Variants in DEF8 observed in about 807,000 individuals in gnomAD.
DEF8 encodes differentially expressed in FDCP 8 homolog, also known as DEF-8.
Under a neutral mutation model 59.1 loss-of-function variants are expected in DEF8, and 38 were observed. The ratio of observed to expected loss-of-function variants is 0.64; its 90% CI spans 0.50 to 0.84. The LOEUF (loss-of-function observed/expected upper bound fraction) is 0.84, where lower values mean the gene tolerates loss of function less well. DEF8 is among the 40% of genes least tolerant of loss of function. DEF8 has a pLI of 0.00. For synonymous variants in DEF8, 265 were observed against 250.1 expected, an observed-to-expected ratio of 1.06 and a Z score of -0.56; for missense variants, 557 against 615.2, an observed-to-expected ratio of 0.91 and a Z score of 1.00.
chr16:89,959,270 C>G, intron 6 of DEF8, 115 bp downstream of exon 6: 1 of 1,547,420 alleles, frequency 6.5e-7, no homozygotes. Context: ...CCAAACATGG[C>G]CAGTCAAAGT....
Position 89,954,132 on chromosome 16 carries a change from A to G in DEF8, c.-10-111A>G, listed in dbSNP as rs976219682. 1 of 1,217,244 alleles carries G rather than the reference A, an allele frequency of 8.2e-7. No homozygotes were observed. Among genetic ancestry groups the G allele is most frequent in the African/African-American group, 1.5e-5 (1 of 66,032 alleles). 75.4% of individuals were successfully genotyped at this position (1,217,244 alleles called of 1,614,324 possible). A position where few individuals can be genotyped will look rare whatever the true frequency, so the allele number is the denominator to read the frequency against. On this transcript the variant is annotated intron_variant, in intron 2 of 12. Coordinates refer to ENST00000563594, the MANE Select transcript of DEF8 (RefSeq NM_001242818.2). This position sits in a 1 kb window ranked among gnomAD's most constrained non-coding sequence, Gnocchi z 4.3. ...GGTGTGAGGACTACCCACTTTAGGG[A>G]AGTGAAAGAGGCCAGCCTCACCCCA...
chr16:89,949,311 C>A, intron 1 of DEF8, 106 bp from the exon 2 acceptor site: 1 of 895,392 alleles, frequency 1.1e-6, no homozygotes, highest in Non-Finnish European at 1.6e-6. Context: ...CTCGGTGGAA[C>A]GGGTGGGTGG....
intron 4 of DEF8, 81 bp from the exon 5 acceptor site, chr16:89,957,430 G>A: frequency 5.5e-6 from 8 of 1,452,474 alleles, no homozygotes; most frequent in Non-Finnish European, 7.4e-6. Flanking sequence ...GGTCTGCTCT[G>A]GGCCTGTCTC....
rs542793648 is a variant in DEF8, at chr16:89,966,672, C to T, written c.*709C>T. On this transcript the variant is annotated 3_prime_UTR_variant, in exon 13 of 13. Transcript: ENST00000563594. ...ATGGAGCTTTTCCCTGCTGGGTGCTCCTGCTTTGGCCCAGCCCACCTTTCC... is the reference window on the plus strand; with the variant it reads ...ATGGAGCTTTTCCCTGCTGGGTGCTTCTGCTTTGGCCCAGCCCACCTTTCC... 1 of 152,812 alleles carries T rather than the reference C, an allele frequency of 6.5e-6. No individual in the cohort carries two copies. Among genetic ancestry groups the T allele is most frequent in the African/African-American group, 2.4e-5 (1 of 41,568 alleles). 9.5% of individuals were successfully genotyped at this position (152,812 alleles called of 1,614,324 possible). A position where few individuals can be genotyped will look rare whatever the true frequency, so the allele number is the denominator to read the frequency against.
rs1204296570 is a variant in DEF8, at chr16:89,954,385, T to C, written c.124+9T>C. ...GGACGTCACTCCTGAAGGTGGGTGC[T>C]GGTGGGAGTCAGGGTGGGAGCTGGG... On this transcript the variant is annotated intron_variant, in intron 3 of 12. Transcript: ENST00000563594. The surrounding 1 kb of genome is among the most constrained non-coding windows in gnomAD (Gnocchi z 4.3). 2 of 1,612,732 alleles carry C rather than the reference T, an allele frequency of 1.2e-6. No individual in the cohort carries two copies. Among genetic ancestry groups the C allele is most frequent in the Non-Finnish European group, 1.7e-6 (2 of 1,179,336 alleles).
intron 2 of DEF8, 147 bp downstream of exon 2, chr16:89,949,660 T>G: frequency 6.3e-7 from 1 of 1,593,546 alleles, no homozygotes; most frequent in Non-Finnish European, 8.6e-7. Flanking sequence ...CCGCGTGTCC[T>G]GAGCTTCGGC....
chr16:89,958,803 T>G (rs1057173425), intron 5 of DEF8, among the ~76,000 whole-genome samples: 11 of 152,224 alleles, frequency 7.2e-5, no homozygotes, highest in Non-Finnish European at 8.8e-5. Context: ...TCGCAAGGGA[T>G]GCTGGGAAAG....
At chr16:89,964,600 TCGGGGGCTGGGG>T (rs2034445463) in intron 12 of DEF8, 25 bp downstream of exon 12, 1 of 1,525,798 alleles carries the variant, frequency 6.6e-7, no homozygotes. Flanking sequence ...GGCCCCGCAC[TCGGGGGCTGGGG>T]CTCTGCGCTG....
chr16:89,960,104 T>C (rs4268748), intron 6 of DEF8, among the ~76,000 whole-genome samples: 44,398 of 152,030 alleles, frequency 0.29, 6,905 homozygotes, highest in African/African-American at 0.4. Flanking sequence ...GGGGCTGCAG[T>C]TCTGTTTCTG....
chr16:89,955,185 GC>G lies in DEF8; in HGVS notation c.146del (p.Pro49LeufsTer12). On this transcript the variant is annotated frameshift_variant, in exon 4 of 13. Transcript: ENST00000563594. LOFTEE classifies it high-confidence loss of function. ...TTCCTCCAGAGGCCCTGCCTGAGCT[GC>G]CCCCTGGGGAGCCGGAATTCCGCTG... Reference protein sequence around the residue: ...VTPEEALPELPPGEPEFRCPE... With the variant: ...VTPEEALPELXPGEPEFRCPE... 6.2e-7 allele frequency: 1 copy of G among 1,613,350 alleles called. No homozygotes were observed. The highest frequency in any genetic ancestry group is 8.5e-7 in the Non-Finnish European group (1 of 1,179,824).
At chr16:89,953,066 G>T (rs2032489774) in intron 2 of DEF8, among the ~76,000 whole-genome samples, 1 of 152,210 alleles carries the variant, frequency 6.6e-6, no homozygotes, top group Non-Finnish European at 1.5e-5. Context: ...TATTATAATT[G>T]TGAATTATTT....
intron 9 of DEF8, 33 bp downstream of exon 9, chr16:89,962,158 G>A (rs763361742): frequency 1.3e-6 from 2 of 1,588,454 alleles, no homozygotes; most frequent in South Asian, 2.2e-5. Context: ...GGGGGGCGGG[G>A]GCGCTGTGTC....
chr16:89,961,900 G>A (rs2034070596), intron 8 of DEF8, 36 bp downstream of exon 8: 1 of 1,597,114 alleles, frequency 6.3e-7, no homozygotes, highest in African/African-American at 1.3e-5. Flanking sequence ...CCCCTGGGGA[G>A]GGAGAGCAGG....
chr16:89,963,835 A>G lies in DEF8; in HGVS notation c.1003-335A>G, dbSNP rs571767030. 5.9e-4 allele frequency: 291 copies of G among 494,530 alleles called. 4 individuals are homozygous for G. Among genetic ancestry groups the G allele is most frequent in the South Asian group, 5.2e-3 (245 of 46,914 alleles). The allele number at this position is 494,530 out of a possible 1,614,324, so 30.6% of individuals were successfully genotyped here. On this transcript the variant is annotated intron_variant, in intron 10 of 12. Transcript: ENST00000563594. Reference sequence around the variant, plus strand: ...CCTTTCAAGTAGGGAAGACAAGAAAAATACGTTGTGTGCTGGGGTGGTGAA... The same window carrying G: ...CCTTTCAAGTAGGGAAGACAAGAAAGATACGTTGTGTGCTGGGGTGGTGAA...
chr16:89,952,429 G>A (rs1218434100), intron 2 of DEF8: 1 of 152,782 alleles, frequency 6.5e-6, no homozygotes, highest in Non-Finnish European at 1.5e-5. Flanking sequence ...GTGAAGCCAG[G>A]AGCCCAGAGC....
chr16:89,948,779 A>T lies in DEF8; in HGVS notation c.-143A>T. 2.0e-6 allele frequency: 2 copies of T among 983,182 alleles called. No individual in the cohort carries two copies. The highest frequency in any genetic ancestry group is 2.4e-6 in the Non-Finnish European group (2 of 829,208). The allele number at this position is 983,182 out of a possible 1,614,324, so 60.9% of individuals were successfully genotyped here. A position where few individuals can be genotyped will look rare whatever the true frequency, so the allele number is the denominator to read the frequency against. The stretch of plus-strand genomic sequence containing the variant: ...CGTAGCGGGGCGGCCGGGCGGATCC[A>T]GCGCAGCCGGGAGACAGATGCGAGG... On this transcript the variant is annotated 5_prime_UTR_variant, in exon 1 of 13. Transcript: ENST00000563594.
In DEF8 at chr16:89,962,897, C is replaced by A. The variant is rs555999105; in HGVS notation, c.922-466C>A. Among the ~76,000 whole-genome samples the A allele has an allele frequency of 2.6e-5, 4 of 152,330 alleles. No homozygotes were observed. In the East Asian group the frequency reaches 7.7e-4, roughly 29 times the overall value. On this transcript the variant is annotated intron_variant, in intron 9 of 12. Transcript: ENST00000563594. The stretch of plus-strand genomic sequence containing the variant: ...GGCTGGTGGCCACTCTCTTAGCCAG[C>A]GGTGAGGGAGGAGGTAGGGCGGGAG...
intron 1 of DEF8, among the ~76,000 whole-genome samples, chr16:89,949,040 T>A (rs866444270): frequency 7.9e-5 from 1 of 12,730 alleles, no homozygotes; most frequent in Non-Finnish European, 1.2e-4. Context: ...GGGGACGGGG[T>A]CGGCGGGGTC....
intron 12 of DEF8, among the ~76,000 whole-genome samples, chr16:89,965,204 A>C (rs2034501296): frequency 6.6e-6 from 1 of 152,208 alleles, no homozygotes; most frequent in African/African-American, 2.4e-5. Context: ...TTCTTCAGTA[A>C]GTATGATTAC....
Sources: allele counts gnomAD v4.1 joint callset (sites outside exome capture counted in the v4.1 genomes callset), GRCh38; gene constraint gnomAD v4.1.1; non-coding constraint Gnocchi (gnomAD v3.1); transcripts MANE v1.5; gene names NCBI Gene and HGNC (gene_info 2026-07-23, HGNC 2026-07-21).